The following TYK2 variants were observed in gnomAD, a reference collection of about 807,000 sequenced individuals.
TYK2 encodes the protein non-receptor tyrosine-protein kinase TYK2.
A neutral mutation model predicts 130.9 loss-of-function variants in TYK2; 65 were observed. That is an observed-to-expected ratio of 0.50 (90% CI 0.41 to 0.61). The LOEUF is 0.61. Among genes scored for constraint, TYK2 ranks in the 20% least tolerant of loss-of-function variants. TYK2 has a pLI of 0.00. For missense variants in TYK2, 1,378 were observed against 1,610.7 expected (o/e 0.86, Z 2.47); for synonymous variants, 647 against 658.9 (o/e 0.98, Z 0.28).
At position 10,376,933 on chromosome 19, in the gene TYK2, A is replaced by G. The variant is rs1031549660; in HGVS notation, c.193+1281T>C. Among the ~76,000 whole-genome samples the G allele has an allele frequency of 3.4e-5, 5 of 145,694 alleles. No individual in the cohort carries two copies. The South Asian group carries it at 6.5e-4, about 19-fold the overall frequency. On this transcript the variant is annotated intron_variant, in intron 3 of 24. Transcript: ENST00000525621. Reference sequence around the variant, plus strand: ...TCTTTTTTTAATGACACTGGGTCTCACTCTGTCACCCAGGCTGGAGTGCAG... The same window carrying G: ...TCTTTTTTTAATGACACTGGGTCTCGCTCTGTCACCCAGGCTGGAGTGCAG...
At chr19:10,372,209 G>A (rs2084415240) in intron 3 of TYK2, among the ~76,000 whole-genome samples, 1 of 150,606 alleles carries the variant, frequency 6.6e-6, no homozygotes, top group Admixed American at 6.6e-5. Flanking sequence ...TAGCCAGGAC[G>A]GTCGCAATCT....
At chr19:10,371,686 G>T (rs1004711722) in intron 3 of TYK2, among the ~76,000 whole-genome samples, 2 of 151,962 alleles carry the variant, frequency 1.3e-5, no homozygotes, top group Non-Finnish European at 2.9e-5. Flanking sequence ...TACTGCAGAC[G>T]TCCCTCTGCA....
chr19:10,375,797 C>T (rs2042093290), intron 3 of TYK2, among the ~76,000 whole-genome samples: 1 of 150,320 alleles, frequency 6.7e-6, no homozygotes, highest in Admixed American at 6.6e-5. Flanking sequence ...CATGGTGGCA[C>T]ACACCTGTAG....
intron 3 of TYK2, among the ~76,000 whole-genome samples, chr19:10,369,325 A>C (rs1426350362): frequency 6.6e-6 from 1 of 150,986 alleles, no homozygotes; most frequent in African/African-American, 2.4e-5. Flanking sequence ...AACATATCTT[A>C]TCTGTGGTTG....
intron 15 of TYK2, among the ~76,000 whole-genome samples, chr19:10,358,873 A>G (rs1220444695): frequency 6.6e-6 from 1 of 151,526 alleles, no homozygotes; most frequent in Non-Finnish European, 1.5e-5. Context: ...GACCAGCCTG[A>G]CCAACATGGT....
At chr19:10,371,715 C>A (rs960057640) in intron 3 of TYK2, among the ~76,000 whole-genome samples, 2 of 151,924 alleles carry the variant, frequency 1.3e-5, no homozygotes, top group Admixed American at 6.6e-5. Flanking sequence ...TTTCAGGCTA[C>A]GAGAGGTTAT....
chr19:10,353,477 A>G lies in TYK2; in HGVS notation c.3027+51T>C. 1 of 1,343,910 alleles carries G rather than the reference A, an allele frequency of 7.4e-7. No individual in the cohort carries two copies. Among genetic ancestry groups the G allele is most frequent in the Non-Finnish European group, 1.0e-6 (1 of 999,422 alleles). The allele number at this position is 1,343,910 out of a possible 1,614,324, so 83.2% of individuals were successfully genotyped here. ...TGCACCGGATCGCTCAGGCCAGCCC[A>G]AGCTGAAGAGGAAGGGGCAAGCTCC... On this transcript the variant is annotated intron_variant, in intron 21 of 24. Coordinates refer to ENST00000525621, the MANE Select transcript of TYK2 (RefSeq NM_003331.5). The surrounding 1 kb of genome is among the most constrained non-coding windows in gnomAD (Gnocchi z 6.9).
In TYK2 at chr19:10,353,303, G is replaced by A. The variant is rs1460215361; in HGVS notation, c.3028-205C>T. ...GGACGGGGCTAGACGAGCAAAGCTG[G>A]GCAGGAGGGCGAGTTGGGAGGGGCC... is the stretch of plus-strand genomic sequence containing the variant. On this transcript the variant is annotated intron_variant, in intron 21 of 24. Transcript: ENST00000525621. This position sits in a 1 kb window ranked among gnomAD's most constrained non-coding sequence, Gnocchi z 6.9. 5.2e-6 allele frequency: 3 copies of A among 579,472 alleles called. No individual in the cohort carries two copies. Among genetic ancestry groups the A allele is most frequent in the East Asian group, 3.0e-5 (1 of 32,976 alleles). The allele number at this position is 579,472 out of a possible 1,614,324, so 35.9% of individuals were successfully genotyped here. A position where few individuals can be genotyped will look rare whatever the true frequency, so the allele number is the denominator to read the frequency against.
intron 23 of TYK2, among the ~76,000 whole-genome samples, chr19:10,351,845 T>A (rs1041734387): frequency 5.3e-5 from 8 of 151,788 alleles, no homozygotes; most frequent in Non-Finnish European, 1.0e-4. Flanking sequence ...TTCAAGCAAT[T>A]CTCCCTGCCT....
At position 10,365,580 on chromosome 19, in the gene TYK2, C is replaced by A; in HGVS notation, c.948G>T (p.Val316=). ...GGATGCCACCAGTGCCTGTCACCAGCACCTCGTGGGTTGGGGGCCCAGCAG... is the reference window on the plus strand; with the variant it reads ...GGATGCCACCAGTGCCTGTCACCAGAACCTCGTGGGTTGGGGGCCCAGCAG... ...ESAAGPPTHE[V]LVTGTGGIQW... Residue 316 remains valine (V), a synonymous_variant, in exon 7 of 25, where the codon GTG becomes GTT. Coordinates refer to ENST00000525621, the MANE Select transcript of TYK2 (RefSeq NM_003331.5). 1 of 1,614,114 alleles carries A rather than the reference C, an allele frequency of 6.2e-7. No individual in the cohort carries two copies. The highest frequency in any genetic ancestry group is 8.5e-7 in the Non-Finnish European group (1 of 1,180,024).
At position 10,364,429 on chromosome 19, in the gene TYK2, G is replaced by A. The variant is rs10418513; in HGVS notation, c.1367+185C>T. Among the ~76,000 whole-genome samples the A allele has an allele frequency of 0.027, 4,162 of 152,160 alleles. 179 individuals are homozygous for A. The highest frequency in any genetic ancestry group is 0.093 in the African/African-American group (3,851 of 41,506). The stretch of plus-strand genomic sequence containing the variant: ...GTTGGGAGGCTGAGGCAGGAGAATC[G>A]CTTGAACCCGGGAGGCGGAGGCTGC... On this transcript the variant is annotated intron_variant, in intron 9 of 24. Coordinates refer to ENST00000525621, the MANE Select transcript of TYK2 (RefSeq NM_003331.5). This position sits in a 1 kb window ranked among gnomAD's most constrained non-coding sequence, Gnocchi z 4.9.
Position 10,361,229 on chromosome 19 carries a change from G to C in TYK2, c.2047+282C>G. 1 of 587,084 alleles carries C rather than the reference G, an allele frequency of 1.7e-6. No individual in the cohort carries two copies. The highest frequency in any genetic ancestry group is 3.1e-6 in the Non-Finnish European group (1 of 321,848). The allele number at this position is 587,084 out of a possible 1,614,324, so 36.4% of individuals were successfully genotyped here. The stretch of plus-strand genomic sequence containing the variant: ...GGGCTGGACTGTAGAGGTTGTTTGG[G>C]AGGTTGATGGAAGTGGGGATGTAGT... On this transcript the variant is annotated intron_variant, in intron 14 of 24. Coordinates refer to ENST00000525621, the MANE Select transcript of TYK2 (RefSeq NM_003331.5). This position sits in a 1 kb window ranked among gnomAD's most constrained non-coding sequence, Gnocchi z 4.0.
chr19:10,361,283 G>A lies in TYK2; in HGVS notation c.2047+228C>T. 1 of 621,668 alleles carries A rather than the reference G, an allele frequency of 1.6e-6. No individual in the cohort carries two copies. Among genetic ancestry groups the A allele is most frequent in the South Asian group, 1.8e-5 (1 of 55,708 alleles). The allele number at this position is 621,668 out of a possible 1,614,324, so 38.5% of individuals were successfully genotyped here. ...GAATCAGGGTGGGGGTTGAGACTGAGGGCAGGTGAGGGTCGACGTGTTGGG... is the reference window on the plus strand; with the variant it reads ...GAATCAGGGTGGGGGTTGAGACTGAAGGCAGGTGAGGGTCGACGTGTTGGG... On this transcript the variant is annotated intron_variant, in intron 14 of 24. Transcript: ENST00000525621. The surrounding 1 kb of genome is among the most constrained non-coding windows in gnomAD (Gnocchi z 4.0).
chr19:10,357,186 T>C (rs1599334668), intron 17 of TYK2: 1 of 399,720 alleles, frequency 2.5e-6, no homozygotes. Flanking sequence ...GTCAGGAGTT[T>C]GAGACCAGCC....
At chr19:10,372,284 C>T (rs1370132050) in intron 3 of TYK2, among the ~76,000 whole-genome samples, 4 of 146,628 alleles carry the variant, frequency 2.7e-5, no homozygotes, top group Non-Finnish European at 6.0e-5. Flanking sequence ...TGAGCCACGG[C>T]GCCCGGCCTG....
At position 10,366,733 on chromosome 19, in the gene TYK2, T is replaced by TA. The variant is rs750662938; in HGVS notation, c.466-154dup. On this transcript the variant is annotated intron_variant, in intron 5 of 24. Transcript: ENST00000525621. ...CTAACACTAATGATAGCTGATGAGC[T>TA]AAAAAAAAAAAAAAAAAAAGAATAT... Among the ~76,000 whole-genome samples the TA allele has an allele frequency of 6.6e-3, 677 of 101,836 alleles. 3 individuals carry two copies. Among genetic ancestry groups the TA allele is most frequent in the East Asian group, 0.021 (74 of 3,496 alleles). 66.8% of individuals were successfully genotyped at this position (101,836 alleles called of 152,430 possible).
Position 10,362,669 on chromosome 19 carries a change from T to G in TYK2, c.1368-12A>C, listed in dbSNP as rs779229819. On this transcript the variant is annotated splice_polypyrimidine_tract_variant and intron_variant, in intron 9 of 24. Transcript: ENST00000525621. Reference sequence around the variant, plus strand: ...GCACAAATGGCTCCCTGGAAGGTGGTCCAGGGGGACTATCAGGCCACCTGG... The same window carrying G: ...GCACAAATGGCTCCCTGGAAGGTGGGCCAGGGGGACTATCAGGCCACCTGG... The G allele has an allele frequency of 1.9e-6, 3 of 1,550,558 alleles. No homozygotes were observed. In the Admixed American group the frequency reaches 5.9e-5, roughly 30 times the overall value.
At chr19:10,355,239 C>A (rs2041034229) in intron 18 of TYK2, among the ~76,000 whole-genome samples, 1 of 151,602 alleles carries the variant, frequency 6.6e-6, no homozygotes, top group Admixed American at 6.6e-5. Flanking sequence ...CTGCAGTGAG[C>A]CATGATCGTG....
intron 2 of TYK2, 138 bp from the exon 3 acceptor site, chr19:10,378,564 T>C (rs1429169152): frequency 1.5e-6 from 1 of 681,540 alleles, no homozygotes; most frequent in African/African-American, 1.8e-5. Context: ...AGAGACCCGA[T>C]TCCCTCTCTG....
Sources: gnomAD v4.1 joint callset for allele counts (sites outside exome capture counted in the v4.1 genomes callset) on GRCh38, gnomAD v4.1.1 for gene constraint, Gnocchi (gnomAD v3.1) non-coding constraint, MANE v1.5 for transcripts, NCBI Gene and HGNC (gene_info 2026-07-23, HGNC 2026-07-21) for gene names.